Variants in AEN observed in about 807,000 individuals in gnomAD.
The protein encoded by AEN is apoptosis-enhancing nuclease.
Under a neutral mutation model 17.7 loss-of-function variants are expected in AEN, and 21 were observed. The ratio of observed to expected loss-of-function variants is 1.19; its 90% CI spans 0.84 to 1.71. The LOEUF is 1.71. Among genes scored for constraint, AEN ranks in the 40% most tolerant of loss-of-function variants. The probability of loss-of-function intolerance (pLI) is 0.00; values close to 1 mark genes in which losing one functional copy is unlikely to be tolerated. For missense variants in AEN, 462 were observed against 435.9 expected, an observed-to-expected ratio of 1.06 and a Z score of -0.53; for synonymous variants, 190 against 173.0, an observed-to-expected ratio of 1.10 and a Z score of -0.77.
the AEN span, among the ~76,000 whole-genome samples, chr15:88,612,158 C>T: frequency 6.6e-6 from 1 of 152,164 alleles, no homozygotes; most frequent in Non-Finnish European, 1.5e-5. Context: ...ACCTGAAGGG[C>T]AGGGGGAGAA....
rs931871010 is a variant in AEN at position 88,630,549 on chromosome 15, T to C, written c.*255T>C. The C allele has an allele frequency of 2.0e-5, 10 of 490,120 alleles. No individual in the cohort carries two copies. Among genetic ancestry groups the C allele is most frequent in the Non-Finnish European group, 3.4e-5 (9 of 268,604 alleles). 30.4% of individuals were successfully genotyped at this position (490,120 alleles called of 1,614,324 possible). On this transcript the variant is annotated 3_prime_UTR_variant, in exon 4 of 4. Transcript: ENST00000332810. The surrounding 1 kb of genome is among the most constrained non-coding windows in gnomAD (Gnocchi z 5.1). ...TGGCACTTTACAGACTCCATGGAGA[T>C]GTCAGGTGGACCATCTTCTAGGGCC...
intron 2 of AEN, chr15:88,627,996 G>T (rs1218798166): frequency 6.6e-6 from 1 of 152,042 alleles, no homozygotes; most frequent in Non-Finnish European, 1.5e-5. Flanking sequence ...TAACATTGTG[G>T]CCCGAGCATT....
chr15:88,626,472 C>G lies in AEN; in HGVS notation c.263C>G (p.Ser88Cys), dbSNP rs8026929. The change falls in exon 2 of 4, where the codon TCT becomes TGT. Residue 88 changes from serine (S) to cysteine (C), a missense_variant. Physicochemically the swap from Ser to Cys is moderately radical, Grantham distance 112. Transcript: ENST00000332810. ...GGGAAGCAGTGTCTGAGGGCTGGATCTGGCAGTGCCCCATGCAGCAGAAGG... is the reference window on the plus strand; with the variant it reads ...GGGAAGCAGTGTCTGAGGGCTGGATGTGGCAGTGCCCCATGCAGCAGAAGG... The part of the protein sequence containing the change: ...SSGKQCLRAG[S>C]GSAPCSRRPA... 0.067 allele frequency: 108,222 copies of G among 1,613,904 alleles called. 4,172 individuals are homozygous for G. The highest frequency in any genetic ancestry group is 0.14 in the African/African-American group (10,881 of 75,042).
At chr15:88,611,032 C>A in the AEN span, among the ~76,000 whole-genome samples, 4 of 152,286 alleles carry the variant, frequency 2.6e-5, no homozygotes, top group Admixed American at 2.6e-4. Context: ...AACCATTTCC[C>A]CTTTTCCTCT....
the AEN span, chr15:88,612,037 C>T: frequency 5.0e-6 from 2 of 400,090 alleles, no homozygotes. Flanking sequence ...GGTCACCACC[C>T]TAAACACCCA....
chr15:88,623,977 G>A (rs1245032179), intron 1 of AEN, among the ~76,000 whole-genome samples: 3 of 152,198 alleles, frequency 2.0e-5, no homozygotes, highest in Non-Finnish European at 4.4e-5. Flanking sequence ...CCCCTAACAT[G>A]GCCACTGATT....
rs2057906910 is a variant in AEN at position 88,630,076 on chromosome 15, T to C, written c.760T>C (p.Ser254Pro). 2 of 1,613,932 alleles carry C rather than the reference T, an allele frequency of 1.2e-6. No individual in the cohort carries two copies. The highest frequency in any genetic ancestry group is 1.7e-6 in the Non-Finnish European group (2 of 1,180,030). The change falls in exon 4 of 4, where the codon TCA becomes CCA. Residue 254 changes from serine to proline, a missense_variant. Ser to Pro is a moderately conservative substitution (Grantham distance 74). Coordinates refer to ENST00000332810, the MANE Select transcript of AEN (RefSeq NM_022767.4). The surrounding 1 kb of genome is among the most constrained non-coding windows in gnomAD (Gnocchi z 5.1). ...TCAGTAGGTGGGCCAGCACGGGCAC[T>C]CATCAGTAGAAGATGCCACGACAGC... ...KKIQVGQHGH[S>P]SVEDATTAME...
the AEN span, among the ~76,000 whole-genome samples, chr15:88,606,108 G>A: frequency 6.6e-6 from 1 of 152,202 alleles, no homozygotes; most frequent in Non-Finnish European, 1.5e-5. Flanking sequence ...GATTGCAGGC[G>A]GTGAGCAAAG....
the AEN span, among the ~76,000 whole-genome samples, chr15:88,609,810 A>G: frequency 2.6e-5 from 4 of 152,232 alleles, no homozygotes; most frequent in South Asian, 2.1e-4. Context: ...GAAAAAGCCA[A>G]TGAAAATGGA....
the AEN span, among the ~76,000 whole-genome samples, chr15:88,612,728 C>T: frequency 1.3e-5 from 2 of 151,950 alleles, no homozygotes; most frequent in African/African-American, 2.4e-5. Flanking sequence ...AGCCTCCCGA[C>T]TAGCTGGGAT....
chr15:88,625,597 ATTCT>A (rs367629989), intron 1 of AEN, among the ~76,000 whole-genome samples: 3 of 152,372 alleles, frequency 2.0e-5, no homozygotes, highest in South Asian at 2.1e-4. Flanking sequence ...TTCCTATGAA[ATTCT>A]TTCTCCAGGT....
intron 2 of AEN, chr15:88,628,787 A>G: frequency 6.3e-6 from 1 of 159,650 alleles, no homozygotes; most frequent in Non-Finnish European, 1.4e-5. Flanking sequence ...GAGCATCACT[A>G]AGAAGTCCAA....
chr15:88,612,794 G>T, the AEN span, among the ~76,000 whole-genome samples: 1 of 151,812 alleles, frequency 6.6e-6, no homozygotes, highest in African/African-American at 2.4e-5. Flanking sequence ...AGAGAGAGGG[G>T]TTTGCTATGT....
chr15:88,608,110 T>G, the AEN span: 1 of 528,474 alleles, frequency 1.9e-6, no homozygotes, highest in African/African-American at 1.9e-5. Flanking sequence ...TCTTATTGGC[T>G]GGAAAGGAAG....
chr15:88,626,840 C>T (rs981282721), intron 2 of AEN, 91 bp downstream of exon 2: 1 of 1,430,516 alleles, frequency 7.0e-7, no homozygotes, highest in Admixed American at 2.0e-5. Flanking sequence ...TCACTGGGGG[C>T]AAGAAACCTT....
the AEN span, among the ~76,000 whole-genome samples, chr15:88,609,406 C>T: frequency 6.6e-6 from 1 of 152,284 alleles, no homozygotes; most frequent in Non-Finnish European, 1.5e-5. Context: ...AAATCAAAAG[C>T]TTCATATTCC....
chr15:88,624,962 A>T (rs955090469), intron 1 of AEN, among the ~76,000 whole-genome samples: 3 of 152,138 alleles, frequency 2.0e-5, no homozygotes, highest in African/African-American at 7.2e-5. Context: ...GTACTGACTG[A>T]CTTGGCATAA....
At chr15:88,616,629 T>A (rs1162055241), upstream of AEN, among the ~76,000 whole-genome samples, 2 of 152,210 alleles carry the variant, frequency 1.3e-5, no homozygotes, top group Non-Finnish European at 2.9e-5. Context: ...TACTTAGCAA[T>A]TTTTTTATGA....
chr15:88,606,476 G>C, the AEN span, among the ~76,000 whole-genome samples: 7 of 152,192 alleles, frequency 4.6e-5, 1 homozygote, highest in Admixed American at 4.6e-4. Context: ...TGGCCAAGAA[G>C]GGGAAAGATA....
Sources: gnomAD v4.1 joint callset for allele counts (sites outside exome capture counted in the v4.1 genomes callset) on GRCh38, gnomAD v4.1.1 for gene constraint, Gnocchi (gnomAD v3.1) non-coding constraint, MANE v1.5 for transcripts, NCBI Gene and HGNC (gene_info 2026-07-23, HGNC 2026-07-21) for gene names.